KCNH1: variants seen among roughly 807,000 people sequenced by gnomAD.
The protein encoded by KCNH1 is potassium voltage-gated channel subfamily H member 1.
Under a neutral mutation model 69.2 loss-of-function variants are expected in KCNH1, and 27 were observed. The ratio of observed to expected loss-of-function variants is 0.39; its 90% CI spans 0.29 to 0.54. The LOEUF is 0.54. Among genes scored for constraint, KCNH1 ranks in the 20% least tolerant of loss-of-function variants. The pLI is 0.68. For missense variants in KCNH1, 798 were observed against 1,261.6 expected (o/e 0.63, Z 5.57); for synonymous variants, 456 against 487.7 (o/e 0.93, Z 0.86).
In KCNH1 at chr1:211,008,528, G is replaced by T. The variant is rs946736130; in HGVS notation, c.1032+10255C>A. Among the ~76,000 whole-genome samples the T allele has an allele frequency of 9.8e-5, 15 of 152,332 alleles. No individual in the cohort carries two copies. In the East Asian group the frequency reaches 2.9e-3, roughly 29 times the overall value. The stretch of plus-strand genomic sequence containing the variant: ...TACTGACACACTCAATATGGTTGAG[G>T]CTTACAGCCATTGTGCTGAGAGAAG... On this transcript the variant is annotated intron_variant, in intron 6 of 10. Coordinates refer to ENST00000271751, the MANE Select transcript of KCNH1 (RefSeq NM_172362.3).
chr1:210,998,553 G>A (rs1035860297), intron 6 of KCNH1, among the ~76,000 whole-genome samples: 1 of 152,016 alleles, frequency 6.6e-6, no homozygotes, highest in Non-Finnish European at 1.5e-5. Context: ...ACTCCCACAC[G>A]ATAATAGTGG....
At chr1:211,063,795 G>A (rs1690478857) in intron 5 of KCNH1, 2 of 151,460 alleles carry the variant, frequency 1.3e-5, no homozygotes, top group South Asian at 4.1e-4. Flanking sequence ...CAGTTAGATA[G>A]GAAGAATAGA....
chr1:211,059,945 G>A (rs1160261559), intron 5 of KCNH1, among the ~76,000 whole-genome samples: 1 of 152,058 alleles, frequency 6.6e-6, no homozygotes, highest in Non-Finnish European at 1.5e-5. Flanking sequence ...CTTCTCCTCA[G>A]AACATGAATA....
chr1:210,862,062 T>C (rs1009499844), intron 7 of KCNH1: 3 of 809,914 alleles, frequency 3.7e-6, no homozygotes, highest in African/African-American at 3.4e-5. Context: ...ATATATACTT[T>C]TGTGCTGTTT....
chr1:210,896,630 C>T (rs1438190203), intron 7 of KCNH1, among the ~76,000 whole-genome samples: 1 of 152,090 alleles, frequency 6.6e-6, no homozygotes, highest in Non-Finnish European at 1.5e-5. Flanking sequence ...CCAATAATAT[C>T]GACTAAAAGT....
intron 6 of KCNH1, among the ~76,000 whole-genome samples, chr1:210,955,987 C>G (rs1424568630): frequency 1.3e-5 from 2 of 152,110 alleles, no homozygotes; most frequent in Non-Finnish European, 2.9e-5. Context: ...TGCCAGTTTT[C>G]AAAGGGAATG....
intron 6 of KCNH1, among the ~76,000 whole-genome samples, chr1:210,951,091 A>G (rs1688055311): frequency 6.6e-6 from 1 of 152,240 alleles, no homozygotes; most frequent in South Asian, 2.1e-4. Context: ...GTATTTCCAC[A>G]CAGACTCAGC....
chr1:211,116,680 G>A (rs12022172), intron 1 of KCNH1, among the ~76,000 whole-genome samples: 4,993 of 152,206 alleles, frequency 0.033, 153 homozygotes, highest in Admixed American at 0.076. Flanking sequence ...TGTCATACTT[G>A]CCTATGCCCC....
At chr1:211,082,640 G>T in intron 5 of KCNH1, 140 bp downstream of exon 5, 1 of 686,484 alleles carries the variant, frequency 1.5e-6, no homozygotes, top group East Asian at 2.5e-5. Context: ...CATACACTGT[G>T]GTGTGTAAGC....
chr1:210,880,914 TTAATA>T lies in KCNH1; in HGVS notation c.1462+38721_1462+38725del, dbSNP rs1022253377. Among the ~76,000 whole-genome samples, 39 of 152,220 alleles carry T rather than the reference TTAATA, an allele frequency of 2.6e-4. No individual in the cohort carries two copies. The South Asian group carries it at 2.7e-3, about 11-fold the overall frequency. On this transcript the variant is annotated intron_variant, in intron 7 of 10. Coordinates refer to ENST00000271751, the MANE Select transcript of KCNH1 (RefSeq NM_172362.3). The stretch of plus-strand genomic sequence containing the variant: ...AATCTGATTTTAAAATGGGCCATAC[TTAATA>T]GAGACCTTATGAAGGACAATAAACA...
At chr1:211,003,535 C>T (rs1312031290) in intron 6 of KCNH1, among the ~76,000 whole-genome samples, 1 of 152,130 alleles carries the variant, frequency 6.6e-6, no homozygotes. Context: ...CTATCCCCTG[C>T]TGTTTCGTTA....
intron 7 of KCNH1, among the ~76,000 whole-genome samples, chr1:210,872,758 C>T (rs956305796): frequency 2.2e-4 from 33 of 152,128 alleles, no homozygotes; most frequent in East Asian, 9.6e-4. Flanking sequence ...GATGATGCTA[C>T]GCCATTCATA....
intron 6 of KCNH1, among the ~76,000 whole-genome samples, chr1:211,015,238 A>T (rs2102411047): frequency 6.6e-6 from 1 of 152,360 alleles, no homozygotes; most frequent in South Asian, 2.1e-4. Flanking sequence ...AGCCACACAC[A>T]TCAGAAACTT....
intron 5 of KCNH1, among the ~76,000 whole-genome samples, chr1:211,066,058 TA>T (rs980380265): frequency 9.2e-5 from 14 of 151,926 alleles, no homozygotes; most frequent in African/African-American, 2.9e-4. Context: ...GCTCTTGTCT[TA>T]AAAAAAAATT....
intron 7 of KCNH1, among the ~76,000 whole-genome samples, chr1:210,850,784 T>A (rs1482783120): frequency 6.6e-6 from 1 of 152,184 alleles, no homozygotes; most frequent in African/African-American, 2.4e-5. Context: ...CAATAAAGCT[T>A]TTCATCAGAG....
intron 7 of KCNH1, among the ~76,000 whole-genome samples, chr1:210,870,465 CCT>C (rs2102493985): frequency 6.6e-6 from 1 of 152,298 alleles, no homozygotes; most frequent in African/African-American, 2.4e-5. Flanking sequence ...AGATTCTTAG[CCT>C]CTTTTTTCCC....
intron 10 of KCNH1, among the ~76,000 whole-genome samples, chr1:210,758,057 G>A (rs772062556): frequency 6.6e-6 from 1 of 152,212 alleles, no homozygotes; most frequent in Non-Finnish European, 1.5e-5. Context: ...CAGCACAAAA[G>A]CAAGAGCATG....
intron 6 of KCNH1, among the ~76,000 whole-genome samples, chr1:210,954,056 GC>G (rs1688113704): frequency 6.7e-6 from 1 of 148,724 alleles, no homozygotes; most frequent in Admixed American, 6.7e-5. Flanking sequence ...CAGCCTCCCA[GC>G]CCCCCATCCC....
At position 211,099,671 on chromosome 1, in the gene KCNH1, T is replaced by C. The variant is rs1012659631; in HGVS notation, c.310+3825A>G. 3.3e-5 allele frequency among the ~76,000 whole-genome samples: 5 copies of C among 152,120 alleles called. No homozygotes were observed. In the East Asian group the frequency reaches 9.6e-4, roughly 29 times the overall value. On this transcript the variant is annotated intron_variant, in intron 3 of 10. Coordinates refer to ENST00000271751, the MANE Select transcript of KCNH1 (RefSeq NM_172362.3). ...CTCCTGTTTCTTGGTAAATATCAGG[T>C]TCCTTTCAAAATCACTCAGCAAACA...
Sources: gnomAD v4.1 joint callset for allele counts (sites outside exome capture counted in the v4.1 genomes callset) on GRCh38, gnomAD v4.1.1 for gene constraint, MANE v1.5 for transcripts, NCBI Gene and HGNC (gene_info 2026-07-23, HGNC 2026-07-21) for gene names.